SHB: variants seen among roughly 807,000 people sequenced by gnomAD.
The protein encoded by SHB is SH2 domain containing adaptor protein B.
A neutral mutation model predicts 52.3 loss-of-function variants in SHB; 20 were observed. The observed-to-expected ratio is 0.38, with a 90% CI of 0.27 to 0.56. The LOEUF (loss-of-function observed/expected upper bound fraction) is 0.56. Ranked by LOEUF, SHB falls within the 20% of genes least tolerant of loss-of-function variation. The probability of loss-of-function intolerance (pLI) is 0.71; values close to 1 mark genes in which losing one functional copy is unlikely to be tolerated. For synonymous variants in SHB, 397 were observed against 316.5 expected (o/e 1.25, Z -2.70); for missense variants, 825 against 723.3 (o/e 1.14, Z -1.61).
intron 2 of SHB, among the ~76,000 whole-genome samples, chr9:37,979,753 C>T (rs946990195): frequency 5.3e-5 from 8 of 152,060 alleles, no homozygotes; most frequent in Admixed American, 3.9e-4. Context: ...GGTCAAGAGT[C>T]CGAGACCAGT....
At chr9:38,003,973 G>C (rs1821049316) in intron 2 of SHB, among the ~76,000 whole-genome samples, 2 of 152,154 alleles carry the variant, frequency 1.3e-5, no homozygotes, top group South Asian at 4.1e-4. Context: ...GAGGGCAGGA[G>C]CTGGCCCGGG....
intron 1 of SHB, among the ~76,000 whole-genome samples, chr9:38,039,375 A>C (rs1373651462): frequency 6.6e-6 from 1 of 152,272 alleles, no homozygotes; most frequent in African/African-American, 2.4e-5. Flanking sequence ...TTTAAAGCGC[A>C]GTGGGAACTG....
intron 2 of SHB, among the ~76,000 whole-genome samples, chr9:37,976,677 T>C (rs948929783): frequency 1.3e-5 from 2 of 152,212 alleles, no homozygotes; most frequent in African/African-American, 4.8e-5. Context: ...ACCGTCCATG[T>C]TGGCTGGAGT....
intron 1 of SHB, among the ~76,000 whole-genome samples, chr9:38,049,298 C>T (rs1026083059): frequency 6.6e-6 from 1 of 152,150 alleles, no homozygotes; most frequent in Non-Finnish European, 1.5e-5. Context: ...TGTGAGAGCC[C>T]AGCCAATATC....
intron 2 of SHB, among the ~76,000 whole-genome samples, chr9:37,990,106 T>C (rs1007697205): frequency 1.3e-5 from 2 of 152,112 alleles, no homozygotes; most frequent in Non-Finnish European, 2.9e-5. Flanking sequence ...GGAGGCACCT[T>C]GATTGAGTAG....
chr9:37,962,930 C>T (rs946515956), intron 3 of SHB, among the ~76,000 whole-genome samples: 3 of 152,188 alleles, frequency 2.0e-5, no homozygotes, highest in Admixed American at 6.5e-5. Flanking sequence ...TTACTGCCCT[C>T]GTTTTTAAAA....
chr9:38,037,909 A>G (rs1222753151), intron 1 of SHB, among the ~76,000 whole-genome samples: 1 of 152,194 alleles, frequency 6.6e-6, no homozygotes, highest in Non-Finnish European at 1.5e-5. Context: ...CTAGAAGAGG[A>G]GCTAAAAAGT....
At chr9:37,979,966 G>T (rs1212167852) in intron 2 of SHB, among the ~76,000 whole-genome samples, 1 of 152,170 alleles carries the variant, frequency 6.6e-6, no homozygotes, top group African/African-American at 2.4e-5. Context: ...GCCAAAAACT[G>T]CTTACAATCA....
chr9:38,015,439 G>A (rs1316390558), intron 2 of SHB: 1 of 703,040 alleles, frequency 1.4e-6, no homozygotes, highest in Admixed American at 2.0e-5. Flanking sequence ...GGGCCAACAG[G>A]AAAACAGCCA....
At position 37,938,487 on chromosome 9, in the gene SHB, T is replaced by C. The variant is rs117114165; in HGVS notation, c.1346+10148A>G. 1.6e-3 allele frequency among the ~76,000 whole-genome samples: 242 copies of C among 152,310 alleles called. 1 individual carries two copies. The highest frequency in any genetic ancestry group is 6.8e-3 in the Middle Eastern group (2 of 294). ...AATTAACAAGATGTTAGAAATGTGA[T>C]TGGAAAGAAATGTTTTTCTCATTTG... On this transcript the variant is annotated intron_variant, in intron 5 of 5. Transcript: ENST00000377707.
At chr9:38,006,755 C>T (rs1433848414) in intron 2 of SHB, among the ~76,000 whole-genome samples, 2 of 152,220 alleles carry the variant, frequency 1.3e-5, no homozygotes, top group East Asian at 3.8e-4. Flanking sequence ...TTAGTGCCAG[C>T]AGCACGGGGA....
intron 5 of SHB, among the ~76,000 whole-genome samples, chr9:37,948,370 CAGCAGATGTGAA>C (rs1832518442): frequency 6.6e-6 from 1 of 152,228 alleles, no homozygotes; most frequent in Non-Finnish European, 1.5e-5. Context: ...CCCCGGCTCA[CAGCAGATGTGAA>C]AGCTTTCTTG....
chr9:38,018,843 C>T (rs1026482219), intron 1 of SHB, among the ~76,000 whole-genome samples: 1 of 152,234 alleles, frequency 6.6e-6, no homozygotes, highest in African/African-American at 2.4e-5. Context: ...ACCGCCAGTC[C>T]AGATGGCCAT....
chr9:37,971,321 G>A (rs1564091364), intron 3 of SHB, among the ~76,000 whole-genome samples: 1 of 152,204 alleles, frequency 6.6e-6, no homozygotes, highest in Admixed American at 6.5e-5. Flanking sequence ...TACACATGGG[G>A]CTGTGGCAAC....
chr9:37,928,787 C>A (rs765482397), intron 5 of SHB, among the ~76,000 whole-genome samples: 1 of 152,208 alleles, frequency 6.6e-6, no homozygotes, highest in Admixed American at 6.5e-5. Context: ...AGACACAGAG[C>A]GGAATCTGCC....
chr9:37,987,465 C>T (rs1468016752), intron 2 of SHB, among the ~76,000 whole-genome samples: 1 of 152,170 alleles, frequency 6.6e-6, no homozygotes, highest in African/African-American at 2.4e-5. Context: ...TCAGTGTTCC[C>T]TCCACTCCAC....
chr9:37,931,805 C>G (rs1832314026), intron 5 of SHB, among the ~76,000 whole-genome samples: 1 of 152,148 alleles, frequency 6.6e-6, no homozygotes, highest in Non-Finnish European at 1.5e-5. Flanking sequence ...TTTACAGCAG[C>G]GCCATTCACA....
chr9:37,943,378 G>T (rs1366795998), intron 5 of SHB, among the ~76,000 whole-genome samples: 2 of 152,160 alleles, frequency 1.3e-5, no homozygotes, highest in Admixed American at 1.3e-4. Flanking sequence ...CTCCTGCAGG[G>T]CTACAGCTCA....
intron 2 of SHB, among the ~76,000 whole-genome samples, chr9:37,983,059 G>C (rs746891530): frequency 1.3e-5 from 2 of 151,922 alleles, no homozygotes; most frequent in African/African-American, 4.8e-5. Flanking sequence ...AGTATGAGAG[G>C]AGACAGAGAG....
Sources: gnomAD v4.1 joint callset for allele counts (sites outside exome capture counted in the v4.1 genomes callset) on GRCh38, gnomAD v4.1.1 for gene constraint, MANE v1.5 for transcripts, NCBI Gene and HGNC (gene_info 2026-07-23, HGNC 2026-07-21) for gene names.